PPP1R1C: variants seen among roughly 807,000 people sequenced by gnomAD.
The protein encoded by PPP1R1C is protein phosphatase 1 regulatory inhibitor subunit 1C, also known as protein phosphatase 1 regulatory subunit 1C.
PPP1R1C carries 15 observed loss-of-function variants against 17.4 expected under a neutral mutation model. The observed-to-expected ratio is 0.86, with a 90% CI of 0.58 to 1.33. The LOEUF is 1.33. Among genes scored for constraint, PPP1R1C ranks in the 40% most tolerant of loss-of-function variants. The probability of loss-of-function intolerance (pLI) is 0.00; values close to 1 mark genes in which losing one functional copy is unlikely to be tolerated. For synonymous variants in PPP1R1C, 35 were observed against 43.1 expected (o/e 0.81, Z 0.73); for missense variants, 143 against 130.0 (o/e 1.10, Z -0.48).
chr2:182,117,071 T>C (rs1401863449), intron 4 of PPP1R1C, 136 bp from the exon 5 acceptor site: 4 of 673,314 alleles, frequency 5.9e-6, no homozygotes, highest in East Asian at 5.5e-5. Context: ...TAGGATTACA[T>C]TGTTAAGATT....
At chr2:182,033,676 C>T (rs376472516) in intron 2 of PPP1R1C, among the ~76,000 whole-genome samples, 1 of 152,124 alleles carries the variant, frequency 6.6e-6, no homozygotes, top group African/African-American at 2.4e-5. Context: ...TGCCGTTACC[C>T]TTCTCTTTTC....
chr2:182,124,297 C>CA (rs1157789380), intron 5 of PPP1R1C, among the ~76,000 whole-genome samples: 7 of 142,138 alleles, frequency 4.9e-5, no homozygotes, highest in Admixed American at 7.0e-5. Flanking sequence ...GTTATGCCTC[C>CA]AGCTTTGTTT....
rs553888983 is a variant in PPP1R1C, at chr2:181,977,710, G to C, written n.157+2446G>C. ...CCAGCAACCATTTTTTATGTCCATA[G>C]TTTCTGTAGGTCAAGAATCCAGGTA... On this transcript the variant is annotated intron_variant and non_coding_transcript_variant, in intron 2 of 5. Transcript: ENST00000464264. 4.6e-5 allele frequency among the ~76,000 whole-genome samples: 7 copies of C among 152,258 alleles called. 1 individual carries two copies. Among genetic ancestry groups the C allele is most frequent in the Admixed American group, 2.0e-4 (3 of 15,296 alleles).
intron 2 of PPP1R1C, among the ~76,000 whole-genome samples, chr2:182,028,738 G>C (rs377035105): frequency 5.5e-5 from 8 of 146,564 alleles, no homozygotes; most frequent in East Asian, 2.0e-4. Context: ...CTGCTTGGTG[G>C]AGAGCTGAGT....
intron 5 of PPP1R1C, among the ~76,000 whole-genome samples, chr2:182,123,697 GTTGT>G (rs1208952961): frequency 6.6e-6 from 1 of 152,092 alleles, no homozygotes; most frequent in African/African-American, 2.4e-5. Flanking sequence ...TTTTGATGGG[GTTGT>G]TTGTTTTTTT....
chr2:182,002,228 T>G (rs993870604), intron 2 of PPP1R1C, among the ~76,000 whole-genome samples: 1 of 152,052 alleles, frequency 6.6e-6, no homozygotes, highest in Non-Finnish European at 1.5e-5. Flanking sequence ...AATTTTTCTG[T>G]GTAGTAGCTA....
chr2:182,120,531 A>G (rs1161814517), downstream of PPP1R1C, among the ~76,000 whole-genome samples: 1 of 152,202 alleles, frequency 6.6e-6, no homozygotes, highest in African/African-American at 2.4e-5. Context: ...TGGAATTTCT[A>G]TACCACCTGC....
At chr2:182,111,999 T>C (rs1559097688) in intron 4 of PPP1R1C, among the ~76,000 whole-genome samples, 1 of 152,184 alleles carries the variant, frequency 6.6e-6, no homozygotes, top group Non-Finnish European at 1.5e-5. Flanking sequence ...TCCAAATTAC[T>C]ATCCATTGAC....
chr2:182,131,076 A>G (rs1689996692), downstream of PPP1R1C: 1 of 152,224 alleles, frequency 6.6e-6, no homozygotes, highest in South Asian at 2.1e-4. Flanking sequence ...CATCATAAAC[A>G]CCCACAACTA....
chr2:182,062,137 G>A (rs1687868478), intron 3 of PPP1R1C, among the ~76,000 whole-genome samples: 1 of 152,146 alleles, frequency 6.6e-6, no homozygotes, highest in East Asian at 1.9e-4. Context: ...ATGCTGTGCA[G>A]GGTTACCTAA....
At chr2:182,019,004 C>CAT (rs1255510286) in intron 2 of PPP1R1C, among the ~76,000 whole-genome samples, 6 of 152,006 alleles carry the variant, frequency 3.9e-5, no homozygotes, top group Admixed American at 6.6e-5. Flanking sequence ...GTATAGTGAA[C>CAT]ATATATATCT....
intron 2 of PPP1R1C, among the ~76,000 whole-genome samples, chr2:182,056,576 G>C (rs1025825986): frequency 6.6e-6 from 1 of 152,082 alleles, no homozygotes; most frequent in East Asian, 1.9e-4. Flanking sequence ...GTGACCCTCT[G>C]TTATCTAAAT....
At chr2:182,076,261 C>T (rs550043889) in intron 4 of PPP1R1C, among the ~76,000 whole-genome samples, 1 of 92,168 alleles carries the variant, frequency 1.1e-5, no homozygotes, top group Non-Finnish European at 2.0e-5. Flanking sequence ...CGCTTTGTCT[C>T]CTGGCTCACT....
chr2:182,061,439 C>T lies in PPP1R1C; in HGVS notation c.143-3C>T. 1 of 1,463,990 alleles carries T rather than the reference C, an allele frequency of 6.8e-7. No individual in the cohort carries two copies. The highest frequency in any genetic ancestry group is 9.1e-7 in the Non-Finnish European group (1 of 1,101,444). The allele number at this position is 1,463,990 out of a possible 1,614,324, so 90.7% of individuals were successfully genotyped here. The stretch of plus-strand genomic sequence containing the variant: ...TAATACATTCTACCTACTTCTCTTA[C>T]AGAAATAGATGACAAGAGGGGGCCC... On this transcript the variant is annotated splice_region_variant and splice_polypyrimidine_tract_variant and intron_variant, in intron 2 of 4. Coordinates refer to ENST00000682840, the MANE Select transcript of PPP1R1C (RefSeq NM_001080545.3).
chr2:182,018,528 A>G (rs1686324600), intron 2 of PPP1R1C, among the ~76,000 whole-genome samples: 2 of 152,206 alleles, frequency 1.3e-5, no homozygotes. Context: ...TAGATTGTTC[A>G]GGCCAGTTAG....
intron 2 of PPP1R1C, among the ~76,000 whole-genome samples, chr2:182,026,004 C>T (rs1199558521): frequency 2.2e-5 from 3 of 135,654 alleles, no homozygotes; most frequent in African/African-American, 9.0e-5. Context: ...GCATAAATGT[C>T]TTCTTTTGAG....
At chr2:182,012,894 T>A (rs187168304) in intron 2 of PPP1R1C, among the ~76,000 whole-genome samples, 76 of 152,218 alleles carry the variant, frequency 5.0e-4, no homozygotes, top group African/African-American at 1.7e-3. Context: ...AAGAGAAAAC[T>A]AATAAAAACT....
intron 2 of PPP1R1C, among the ~76,000 whole-genome samples, chr2:181,996,234 C>G (rs1685608812): frequency 6.6e-6 from 1 of 152,122 alleles, no homozygotes; most frequent in African/African-American, 2.4e-5. Context: ...TCCTTGACAC[C>G]TTAGAAAAAT....
intron 4 of PPP1R1C, among the ~76,000 whole-genome samples, chr2:182,105,111 A>G (rs114616766): frequency 0.015 from 2,278 of 152,288 alleles, 33 homozygotes; most frequent in South Asian, 0.058. Context: ...CTTAGGAGAT[A>G]AGGCAGATAT....
Sources: allele counts gnomAD v4.1 joint callset (sites outside exome capture counted in the v4.1 genomes callset), GRCh38; gene constraint gnomAD v4.1.1; transcripts MANE v1.5; gene names NCBI Gene and HGNC (gene_info 2026-07-23, HGNC 2026-07-21).